The following PCNX2 variants were observed in gnomAD, a reference collection of about 807,000 sequenced individuals.
The protein encoded by PCNX2 is pecanex 2, also known as pecanex-like protein 2.
A neutral mutation model predicts 223.8 loss-of-function variants in PCNX2; 168 were observed. The ratio of observed to expected loss-of-function variants is 0.75; its 90% CI spans 0.66 to 0.85. The LOEUF is 0.85. Among genes scored for constraint, PCNX2 ranks in the 40% least tolerant of loss-of-function variants. The pLI is 0.00. For synonymous variants in PCNX2, 1,006 were observed against 1,052.6 expected (o/e 0.96, Z 0.86); for missense variants, 2,507 against 2,675.5 (o/e 0.94, Z 1.39).
At chr1:233,082,609 TTG>T (rs1245789749) in intron 23 of PCNX2, among the ~76,000 whole-genome samples, 1 of 152,196 alleles carries the variant, frequency 6.6e-6, no homozygotes, top group African/African-American at 2.4e-5. Context: ...TTTAATTGCA[TTG>T]TACTATTAAC....
At chr1:233,174,257 T>A (rs1343047334) in intron 17 of PCNX2, among the ~76,000 whole-genome samples, 4 of 143,894 alleles carry the variant, frequency 2.8e-5, no homozygotes, top group African/African-American at 1.0e-4. Context: ...ATAAATTATA[T>A]ATAATATGTA....
intron 10 of PCNX2, among the ~76,000 whole-genome samples, chr1:233,226,384 C>T (rs1480015574): frequency 2.0e-5 from 3 of 152,200 alleles, no homozygotes; most frequent in Admixed American, 6.5e-5. Flanking sequence ...ATTCTCTAGC[C>T]TCAGCCTCCT....
intron 1 of PCNX2, among the ~76,000 whole-genome samples, chr1:233,285,374 A>C (rs767530468): frequency 7.2e-4 from 109 of 152,242 alleles, no homozygotes; most frequent in East Asian, 5.8e-4. Flanking sequence ...ATAAAATTAA[A>C]AATTAAAAAT....
intron 31 of PCNX2, among the ~76,000 whole-genome samples, chr1:232,998,824 G>A (rs543663786): frequency 6.6e-6 from 1 of 152,306 alleles, no homozygotes; most frequent in Non-Finnish European, 1.5e-5. Flanking sequence ...ATGTGGAATG[G>A]TTACTGCTAA....
rs1553271769 is a variant in PCNX2 at position 233,001,521 on chromosome 1, T to TAAATAAAA, written c.5097+15_5097+16insTTTTATTT. On this transcript the variant is annotated intron_variant, in intron 29 of 33. Transcript: ENST00000258229. The surrounding 1 kb of genome is among the most constrained non-coding windows in gnomAD (Gnocchi z 4.2). ...ATAAATAAATAAATAAATAAATAAATAAAATAGGTTTTTACCTGGTGAAGT... is the reference window on the plus strand; with the variant it reads ...ATAAATAAATAAATAAATAAATAAATAAATAAAAAAAATAGGTTTTTACCTGGTGAAGT... The TAAATAAAA allele has an allele frequency of 1.4e-4, 139 of 1,021,252 alleles. No individual in the cohort carries two copies. The highest frequency in any genetic ancestry group is 7.8e-4 in the African/African-American group (38 of 48,732). 63.3% of individuals were successfully genotyped at this position (1,021,252 alleles called of 1,614,324 possible). A position where few individuals can be genotyped will look rare whatever the true frequency, so the allele number is the denominator to read the frequency against.
chr1:233,075,924 C>A (rs1012045691), intron 23 of PCNX2, among the ~76,000 whole-genome samples: 3 of 152,164 alleles, frequency 2.0e-5, no homozygotes, highest in Admixed American at 1.3e-4. Flanking sequence ...TTCAACTATT[C>A]ATTCAGTGGA....
chr1:232,989,139 T>C (rs1669601605), intron 32 of PCNX2, among the ~76,000 whole-genome samples: 1 of 151,820 alleles, frequency 6.6e-6, no homozygotes, highest in South Asian at 2.1e-4. Flanking sequence ...TTGTTAGAAT[T>C]TGTTTCAAAT....
At chr1:233,218,209 C>CAAAAAA (rs34818026) in intron 10 of PCNX2, 25 bp from the exon 11 acceptor site, 13 of 275,660 alleles carry the variant, frequency 4.7e-5, no homozygotes, top group Admixed American at 9.6e-5. Flanking sequence ...TACATAAAAG[C>CAAAAAA]AAAAAAAAAA....
At position 233,024,354 on chromosome 1, in the gene PCNX2, G is replaced by A. The variant is rs1220920125; in HGVS notation, c.4605+792C>T. Among the ~76,000 whole-genome samples, 9 of 152,270 alleles carry A rather than the reference G, an allele frequency of 5.9e-5. No homozygotes were observed. In the South Asian group the frequency reaches 1.2e-3, roughly 21 times the overall value. On this transcript the variant is annotated intron_variant, in intron 26 of 33. Transcript: ENST00000258229. ...GGCAGAGGGCCTTGTGGCCTCCGAC[G>A]GATGAGCTTCCTCTTTTTGAACAGC... is the stretch of plus-strand genomic sequence containing the variant.
At chr1:233,217,790 A>G in intron 12 of PCNX2, 109 bp downstream of exon 12, 7 of 1,093,430 alleles carry the variant, frequency 6.4e-6, no homozygotes, top group Non-Finnish European at 9.1e-6. Flanking sequence ...TTTTATATTC[A>G]GTATAGAGAG....
At chr1:233,319,237 G>C in the PCNX2 span, among the ~76,000 whole-genome samples, 1,619 of 152,184 alleles carry the variant, frequency 0.011, 28 homozygotes, top group African/African-American at 0.036. Flanking sequence ...ACCCCCCCAT[G>C]GTTTTGAACT....
At chr1:233,305,503 T>C in the PCNX2 span, among the ~76,000 whole-genome samples, 1 of 152,210 alleles carries the variant, frequency 6.6e-6, no homozygotes, top group Non-Finnish European at 1.5e-5. Flanking sequence ...TGGAGTGAAG[T>C]GGTGCAATTA....
chr1:233,106,460 C>T (rs1674786081), intron 21 of PCNX2, among the ~76,000 whole-genome samples: 1 of 149,056 alleles, frequency 6.7e-6, no homozygotes, highest in African/African-American at 2.5e-5. Context: ...TCAAGCGATT[C>T]TCCTGCCTCA....
upstream of PCNX2, among the ~76,000 whole-genome samples, chr1:233,296,569 A>G (rs1662138420): frequency 6.6e-6 from 1 of 152,106 alleles, no homozygotes; most frequent in Admixed American, 6.6e-5. Context: ...CTCTTTTGAG[A>G]GTGGGTTTTG....
At chr1:232,992,251 C>T (rs1035655673) in intron 32 of PCNX2, among the ~76,000 whole-genome samples, 9 of 152,222 alleles carry the variant, frequency 5.9e-5, no homozygotes, top group African/African-American at 1.7e-4. Context: ...CAGAAAGGTA[C>T]TTGAGACAGT....
intron 25 of PCNX2, among the ~76,000 whole-genome samples, chr1:233,046,243 G>A (rs546189398): frequency 1.3e-5 from 2 of 152,316 alleles, no homozygotes; most frequent in East Asian, 3.9e-4. Flanking sequence ...GACTGCCTCA[G>A]GTTGGGGTGA....
rs746133225 is a variant in PCNX2, at chr1:233,054,279, A to C, written c.4340T>G (p.Leu1447Arg). 1 of 1,613,334 alleles carries C rather than the reference A, an allele frequency of 6.2e-7. No individual in the cohort carries two copies. Among genetic ancestry groups the C allele is most frequent in the Non-Finnish European group, 8.5e-7 (1 of 1,179,510 alleles). ...GAAGAAATTCTTACCTCGGAATTCC[A>C]GTCCTCGAAGTTGAAAGGTGACAAG... ...NGLVTFQLRG[L>R]EFRGTYCQQR... The change falls in exon 25 of 34, where the codon CTG (leucine) becomes CGG (arginine). Residue 1447 changes from leucine (L) to arginine (R), a missense_variant. Physicochemically the swap from Leu to Arg is moderately radical, Grantham distance 102. Transcript: ENST00000258229.
At chr1:233,241,368 C>A in intron 8 of PCNX2, 1 of 985,458 alleles carries the variant, frequency 1.0e-6, no homozygotes, top group Non-Finnish European at 1.2e-6. Context: ...GAACAAAAGT[C>A]TTTCTAGAAT....
At chr1:233,141,842 G>T (rs1182360306) in intron 19 of PCNX2, among the ~76,000 whole-genome samples, 2 of 151,466 alleles carry the variant, frequency 1.3e-5, no homozygotes, top group South Asian at 2.1e-4. Flanking sequence ...TACTTGAAAA[G>T]AATTCATTCG....
Sources: gnomAD v4.1 joint callset for allele counts (sites outside exome capture counted in the v4.1 genomes callset) on GRCh38, gnomAD v4.1.1 for gene constraint, Gnocchi (gnomAD v3.1) non-coding constraint, MANE v1.5 for transcripts, NCBI Gene and HGNC (gene_info 2026-07-23, HGNC 2026-07-21) for gene names.